KDM4C: variants seen among roughly 807,000 people sequenced by gnomAD.
KDM4C encodes lysine demethylase 4C, also known as lysine-specific demethylase 4C.
KDM4C carries 81 observed loss-of-function variants against 129.3 expected under a neutral mutation model. That is an observed-to-expected ratio of 0.63 (90% CI 0.52 to 0.75). The LOEUF (loss-of-function observed/expected upper bound fraction) is 0.75. KDM4C is among the 30% of genes least tolerant of loss of function. The pLI, the probability that KDM4C is intolerant of heterozygous loss-of-function variation, is 0.00. For synonymous variants in KDM4C, 573 were observed against 456.1 expected, an observed-to-expected ratio of 1.26 and a Z score of -3.26; for missense variants, 1,457 against 1,304.0, an observed-to-expected ratio of 1.12 and a Z score of -1.81.
chr9:6,999,665 C>CA (rs1450357520), intron 12 of KDM4C, among the ~76,000 whole-genome samples: 2 of 60 alleles, frequency 0.033, 1 homozygote, highest in African/African-American at 0.037. Flanking sequence ...GACTCCGTCT[C>CA]AAAAAAAAAA....
chr9:6,746,389 C>G (rs906242402), intron 1 of KDM4C, among the ~76,000 whole-genome samples: 13 of 150,564 alleles, frequency 8.6e-5, no homozygotes, highest in Non-Finnish European at 1.3e-4. Flanking sequence ...CTGCCTCAGC[C>G]TCCCGAGTAG....
At chr9:6,995,864 G>A (rs1819613054) in intron 12 of KDM4C, among the ~76,000 whole-genome samples, 1 of 149,998 alleles carries the variant, frequency 6.7e-6, no homozygotes, top group African/African-American at 2.4e-5. Flanking sequence ...GTAGAGATGG[G>A]GTTTCACTGT....
intron 8 of KDM4C, chr9:6,893,587 A>G (rs1051237234): frequency 6.2e-6 from 1 of 160,984 alleles, no homozygotes; most frequent in Non-Finnish European, 1.3e-5. Flanking sequence ...GTTTGCGATC[A>G]GTTTGTGGCT....
intron 17 of KDM4C, among the ~76,000 whole-genome samples, chr9:7,055,514 C>G (rs1002786789): frequency 6.6e-6 from 1 of 152,196 alleles, no homozygotes; most frequent in African/African-American, 2.4e-5. Context: ...TGAGACCATA[C>G]TATTCTGCTT....
At chr9:7,023,916 C>A (rs10815507) in intron 15 of KDM4C, among the ~76,000 whole-genome samples, 69,794 of 152,022 alleles carry the variant, frequency 0.46, 16,222 homozygotes, top group South Asian at 0.6. Flanking sequence ...CATATTGTTT[C>A]ATTTCCATGT....
At chr9:7,002,245 C>G (rs955474132) in intron 12 of KDM4C, among the ~76,000 whole-genome samples, 1 of 152,116 alleles carries the variant, frequency 6.6e-6, no homozygotes, top group Admixed American at 6.5e-5. Context: ...CTTTTAATTT[C>G]TTATTTCCAG....
chr9:6,772,507 A>G (rs529173932), intron 1 of KDM4C, among the ~76,000 whole-genome samples: 3 of 152,122 alleles, frequency 2.0e-5, no homozygotes, highest in African/African-American at 7.2e-5. Context: ...GATTACAGGC[A>G]TGCACCACCA....
intron 4 of KDM4C, among the ~76,000 whole-genome samples, chr9:6,835,729 C>T (rs749837355): frequency 2.0e-5 from 3 of 152,098 alleles, no homozygotes; most frequent in African/African-American, 4.8e-5. Flanking sequence ...AAAACTGGAA[C>T]GGTGAAGGTG....
At chr9:6,755,211 A>G (rs1818200604), upstream of KDM4C, among the ~76,000 whole-genome samples, 2 of 152,298 alleles carry the variant, frequency 1.3e-5, no homozygotes, top group South Asian at 4.1e-4. Flanking sequence ...CTCCACTTAA[A>G]ATACAAAAAA....
intron 15 of KDM4C, among the ~76,000 whole-genome samples, chr9:7,039,847 T>G (rs1322253304): frequency 6.6e-6 from 1 of 151,788 alleles, no homozygotes; most frequent in East Asian, 1.9e-4. Flanking sequence ...GGTGGCAGAG[T>G]CTATATATAA....
chr9:6,757,692 C>G (rs959961518), upstream of KDM4C: 1 of 985,492 alleles, frequency 1.0e-6, no homozygotes, highest in Non-Finnish European at 1.2e-6. Flanking sequence ...TGGACTACAT[C>G]AGGTCCAGCC....
intron 19 of KDM4C, among the ~76,000 whole-genome samples, chr9:7,161,068 C>A (rs986666286): frequency 6.6e-6 from 1 of 152,216 alleles, no homozygotes; most frequent in African/African-American, 2.4e-5. Flanking sequence ...AGGCTGCCAC[C>A]TCGCACTTCA....
chr9:7,170,603 G>A (rs1310343578), intron 21 of KDM4C: 1 of 953,360 alleles, frequency 1.0e-6, no homozygotes, highest in South Asian at 4.9e-5. Context: ...ACCCTGAAAT[G>A]AAGTCAGTTT....
intron 19 of KDM4C, among the ~76,000 whole-genome samples, chr9:7,149,374 G>A (rs1320528450): frequency 1.3e-5 from 2 of 152,220 alleles, no homozygotes; most frequent in African/African-American, 4.8e-5. Context: ...CGAGCCTGCC[G>A]GGGCAGGGGC....
intron 14 of KDM4C, 61 bp from the exon 15 acceptor site, chr9:7,015,792 A>T: frequency 6.3e-6 from 7 of 1,105,288 alleles, no homozygotes; most frequent in Non-Finnish European, 9.7e-6. Context: ...CAGTACTGAG[A>T]TCTGCAATAT....
At chr9:6,997,687 G>T (rs1250978169) in intron 12 of KDM4C, among the ~76,000 whole-genome samples, 4 of 152,064 alleles carry the variant, frequency 2.6e-5, no homozygotes, top group African/African-American at 4.8e-5. Context: ...TTTGACTTTG[G>T]GTAAGCCCTC....
intron 18 of KDM4C, among the ~76,000 whole-genome samples, chr9:7,116,320 A>G (rs1339613729): frequency 3.6e-5 from 5 of 139,486 alleles, no homozygotes; most frequent in African/African-American, 8.0e-5. Context: ...CTTAAATTCA[A>G]CAACTTTTAA....
In KDM4C at chr9:6,992,026, T is replaced by C. The variant is rs1013441050; in HGVS notation, c.1786+1502T>C. On this transcript the variant is annotated intron_variant, in intron 12 of 21. Transcript: ENST00000381309. ...TAATGTTGAGTTCTTTTTCTTTTTT[T>C]TTTGCTACTTTATTATACCCAGTAC... is the stretch of plus-strand genomic sequence containing the variant. 2.6e-5 allele frequency among the ~76,000 whole-genome samples: 4 copies of C among 152,118 alleles called. No individual in the cohort carries two copies. In the East Asian group the frequency reaches 7.7e-4, roughly 29 times the overall value.
At chr9:6,836,634 C>G (rs769301678) in intron 4 of KDM4C, among the ~76,000 whole-genome samples, 1 of 152,048 alleles carries the variant, frequency 6.6e-6, no homozygotes, top group African/African-American at 2.4e-5. Context: ...CATGCATGCA[C>G]GTATTTTAAC....
Sources: gnomAD v4.1 joint callset for allele counts (sites outside exome capture counted in the v4.1 genomes callset) on GRCh38, gnomAD v4.1.1 for gene constraint, MANE v1.5 for transcripts, NCBI Gene and HGNC (gene_info 2026-07-23, HGNC 2026-07-21) for gene names.